The following IFIH1 variants were observed in gnomAD, a reference collection of about 807,000 sequenced individuals.
IFIH1 encodes the protein interferon-induced helicase C domain-containing protein 1.
Under a neutral mutation model 107.4 loss-of-function variants are expected in IFIH1, and 125 were observed. The observed-to-expected ratio is 1.16, with a 90% CI of 1.01 to 1.35. The LOEUF is 1.35. Among genes scored for constraint, IFIH1 ranks in the 40% most tolerant of loss-of-function variants. IFIH1 has a pLI of 0.00. For missense variants in IFIH1, 1,333 were observed against 1,213.7 expected, an observed-to-expected ratio of 1.10 and a Z score of -1.46; for synonymous variants, 458 against 413.2, an observed-to-expected ratio of 1.11 and a Z score of -1.31.
intron 11 of IFIH1, 35 bp from the exon 12 acceptor site, chr2:162,273,979 T>C (rs1348909444): frequency 2.1e-6 from 3 of 1,400,248 alleles, no homozygotes; most frequent in Middle Eastern, 1.8e-4. Context: ...AATTTTGTGA[T>C]GCTAAACACA....
chr2:162,313,681 C>A (rs575845143), intron 1 of IFIH1, among the ~76,000 whole-genome samples: 31 of 152,220 alleles, frequency 2.0e-4, no homozygotes, highest in African/African-American at 7.5e-4. Context: ...CAGAGTTCAA[C>A]TCTCAGATAA....
At chr2:162,281,613 C>G in intron 6 of IFIH1, 68 bp from the exon 7 acceptor site, 1 of 1,190,262 alleles carries the variant, frequency 8.4e-7, no homozygotes, top group Non-Finnish European at 1.2e-6. Context: ...TAGCTTTAGA[C>G]CAGTAATTGA....
Position 162,281,494 on chromosome 2 carries a change from A to C in IFIH1, c.1358T>G (p.Val453Gly), listed in dbSNP as rs558005930. The change falls in exon 7 of 16, where the codon GTG becomes GGG. Residue 453 changes from valine to glycine, a missense_variant. Val to Gly is a moderately radical substitution (Grantham distance 109). Coordinates refer to ENST00000649979, the MANE Select transcript of IFIH1 (RefSeq NM_022168.4). ...DECHHTNKEAVYNNIMRHYLM... is the reference protein window; with the variant it reads ...DECHHTNKEAGYNNIMRHYLM... ...ATAATGCCTCATGATGTTATTATAC[A>C]CTGCTTCTTTGTTGGTGTGATGACA... 85 of 1,611,802 alleles carry C rather than the reference A, an allele frequency of 5.3e-5. No individual in the cohort carries two copies. Among genetic ancestry groups the C allele is most frequent in the Non-Finnish European group, 6.8e-5 (80 of 1,178,626 alleles).
intron 5 of IFIH1, among the ~76,000 whole-genome samples, chr2:162,287,564 T>C (rs1033244941): frequency 1.7e-4 from 25 of 151,442 alleles, no homozygotes; most frequent in Non-Finnish European, 3.0e-5. Context: ...GTATATTTTA[T>C]ATATATATAT....
chr2:162,304,428 C>A (rs1435885874), intron 3 of IFIH1, among the ~76,000 whole-genome samples: 1 of 152,170 alleles, frequency 6.6e-6, no homozygotes, highest in African/African-American at 2.4e-5. Flanking sequence ...TGCCACTGTA[C>A]TCCAGCCTGG....
Position 162,276,920 on chromosome 2 carries a change from C to T in IFIH1, c.2071G>A (p.Ala691Thr). The change falls in exon 11 of 16, where the codon GCT becomes ACT. Residue 691 changes from alanine to threonine, a missense_variant. By Grantham distance (58) the Ala-to-Thr change is moderately conservative. Coordinates refer to ENST00000649979, the MANE Select transcript of IFIH1 (RefSeq NM_022168.4). ...TCATTTTCATATTCTGGGTTTTCAG[C>T]CAGCCTTTTCAACATTTTATTGTTT... ...FENNKMLKRL[A>T]ENPEYENEKL... 1 of 1,605,760 alleles carries T rather than the reference C, an allele frequency of 6.2e-7. No homozygotes were observed. The highest frequency in any genetic ancestry group is 8.5e-7 in the Non-Finnish European group (1 of 1,177,528).
rs772381153 is a variant in IFIH1 at position 162,268,204 on chromosome 2, T to C, written c.2690A>G (p.Lys897Arg). 149 of 1,612,888 alleles carry C rather than the reference T, an allele frequency of 9.2e-5. No homozygotes were observed. Among genetic ancestry groups the C allele is most frequent in the Non-Finnish European group, 1.2e-4 (146 of 1,179,044 alleles). ...GAAAGTTATTAGTGATGGGTTATTC[T>C]TGTAATGCTTGGCAATATTTCTCTT... ...KTKRNIAKHY[K>R]NNPSLITFLC... is the part of the protein sequence containing the mutation. The change falls in exon 14 of 16, where the codon AAG becomes AGG. Residue 897 changes from lysine to arginine, a missense_variant. By Grantham distance (26) the Lys-to-Arg change is conservative (BLOSUM62 2). Coordinates refer to ENST00000649979, the MANE Select transcript of IFIH1 (RefSeq NM_022168.4).
chr2:162,298,446 A>G (rs1463935864), intron 3 of IFIH1, among the ~76,000 whole-genome samples: 1 of 152,208 alleles, frequency 6.6e-6, no homozygotes, highest in East Asian at 1.9e-4. Context: ...AGTGGTGACA[A>G]GGTCTTTAGT....
chr2:162,313,672 A>G (rs1016913044), intron 1 of IFIH1, among the ~76,000 whole-genome samples: 1 of 152,228 alleles, frequency 6.6e-6, no homozygotes, highest in Non-Finnish European at 1.5e-5. Context: ...TTAACCCAGC[A>G]GAGTTCAACT....
chr2:162,317,014 A>AGG lies in IFIH1; in HGVS notation c.453+839_453+840dup, dbSNP rs1207082902. The stretch of plus-strand genomic sequence containing the variant: ...ATGTTGAAACTTTGATTAAAGAAAA[A>AGG]GGGTGTGTGTGTGTGTGTGTGTGTG... On this transcript the variant is annotated intron_variant, in intron 1 of 15. Transcript: ENST00000649979. Among the ~76,000 whole-genome samples the AGG allele has an allele frequency of 4.1e-4, 56 of 137,472 alleles. No homozygotes were observed. In the East Asian group the frequency reaches 0.014, roughly 33 times the overall value. The allele number at this position is 137,472 out of a possible 152,430, so 90.2% of individuals were successfully genotyped here. A position where few individuals can be genotyped will look rare whatever the true frequency, so the allele number is the denominator to read the frequency against.
intron 3 of IFIH1, among the ~76,000 whole-genome samples, chr2:162,298,099 G>C (rs1487909981): frequency 6.6e-6 from 1 of 152,094 alleles, no homozygotes; most frequent in Non-Finnish European, 1.5e-5. Context: ...GGCCTTTTTA[G>C]ATCTATTTCA....
intron 3 of IFIH1, among the ~76,000 whole-genome samples, chr2:162,298,789 C>T (rs943119576): frequency 4.7e-5 from 7 of 150,416 alleles, no homozygotes; most frequent in African/African-American, 7.4e-5. Flanking sequence ...CACGCGCGCG[C>T]GCACACACAC....
rs777933362 is a variant in IFIH1, at chr2:162,278,213, T to C, written c.1757A>G (p.Glu586Gly). The C allele has an allele frequency of 5.6e-6, 9 of 1,603,048 alleles. No homozygotes were observed. The highest frequency in any genetic ancestry group is 2.2e-5 in the East Asian group (1 of 44,672). ...QPYEQWAIQM[E>G]KKAAKEGNRK... ...GTCCAAACCTAAATTACCTTTTTTT[T>C]CCATTTGAATGGCCCATTGTTCATA... Residue 586 changes from glutamate to glycine, a missense_variant, in exon 9 of 16, where the codon GAA becomes GGA. Physicochemically the swap from Glu to Gly is moderately conservative, Grantham distance 98 (BLOSUM62 -2). Transcript: ENST00000649979.
chr2:162,272,667 TC>T (rs1691067498), intron 12 of IFIH1, among the ~76,000 whole-genome samples: 1 of 152,170 alleles, frequency 6.6e-6, no homozygotes, highest in African/African-American at 2.4e-5. Context: ...CTTTTTGCTC[TC>T]AGAACTTCTC....
At position 162,310,642 on chromosome 2, in the gene IFIH1, T is replaced by C. The variant is rs1683370031; in HGVS notation, c.622+123A>G. 1.4e-4 allele frequency: 101 copies of C among 720,882 alleles called. No individual in the cohort carries two copies. The South Asian group carries it at 1.7e-3, about 12-fold the overall frequency. The allele number at this position is 720,882 out of a possible 1,614,324, so 44.7% of individuals were successfully genotyped here. On this transcript the variant is annotated intron_variant, in intron 2 of 15. Transcript: ENST00000649979. ...GATAAAATAGATGATCTATCACATATGTTCCACTCTTAAAATTTTGATTCT... is the reference window on the plus strand; with the variant it reads ...GATAAAATAGATGATCTATCACATACGTTCCACTCTTAAAATTTTGATTCT...
intron 13 of IFIH1, 35 bp from the exon 14 acceptor site, chr2:162,268,312 T>C: frequency 7.0e-7 from 1 of 1,423,504 alleles, no homozygotes; most frequent in South Asian, 1.3e-5. Context: ...TGGTTTCAGG[T>C]TTGTTTTCTT....
intron 1 of IFIH1, among the ~76,000 whole-genome samples, chr2:162,313,939 G>T (rs766012326): frequency 1.3e-5 from 2 of 152,152 alleles, no homozygotes; most frequent in Non-Finnish European, 2.9e-5. Flanking sequence ...TTCTTAGGTG[G>T]ACTAGTCATG....
intron 5 of IFIH1, among the ~76,000 whole-genome samples, chr2:162,284,660 A>G (rs1269420947): frequency 6.6e-6 from 1 of 152,012 alleles, no homozygotes; most frequent in East Asian, 1.9e-4. Context: ...GGAAAAAATG[A>G]GAATAATAAA....
intron 5 of IFIH1, among the ~76,000 whole-genome samples, chr2:162,285,082 T>C (rs1377810518): frequency 1.3e-5 from 2 of 151,962 alleles, no homozygotes; most frequent in East Asian, 3.9e-4. Context: ...ACATGGCTAA[T>C]TGGGAGGTGT....
Sources: allele counts gnomAD v4.1 joint callset (sites outside exome capture counted in the v4.1 genomes callset), GRCh38; gene constraint gnomAD v4.1.1; transcripts MANE v1.5; gene names NCBI Gene and HGNC (gene_info 2026-07-23, HGNC 2026-07-21).